TBL1XR1: variants seen among roughly 807,000 people sequenced by gnomAD.
The protein encoded by TBL1XR1 is TBL1X/Y related 1, also known as F-box-like/WD repeat-containing protein TBL1XR1.
TBL1XR1 carries 5 observed loss-of-function variants against 66.9 expected under a neutral mutation model. The ratio of observed to expected loss-of-function variants is 0.07; its 90% CI spans 0.04 to 0.16. The LOEUF (loss-of-function observed/expected upper bound fraction) is 0.16, where lower values mean the gene tolerates loss of function less well. Ranked by LOEUF, TBL1XR1 falls within the 10% of genes least tolerant of loss-of-function variation. TBL1XR1 has a pLI of 1.00. For synonymous variants in TBL1XR1, 210 were observed against 206.0 expected, an observed-to-expected ratio of 1.02 and a Z score of -0.17; for missense variants, 238 against 623.2, an observed-to-expected ratio of 0.38 and a Z score of 6.58.
chr3:177,180,740 A>ATTT (rs201395892), intron 1 of TBL1XR1, among the ~76,000 whole-genome samples: 18 of 145,776 alleles, frequency 1.2e-4, no homozygotes, highest in East Asian at 4.0e-4. Flanking sequence ...TTACCCTGGA[A>ATTT]TTTTTTTTTT....
Position 177,146,589 on chromosome 3 carries a change from C to CAAAAAAAAAAAAAAAAAAAAAA in TBL1XR1, c.-121-48049_-121-48048insTTTTTTTTTTTTTTTTTTTTTT, listed in dbSNP as rs78065426. Among the ~76,000 whole-genome samples the CAAAAAAAAAAAAAAAAAAAAAA allele has an allele frequency of 1.8e-3, 91 of 51,948 alleles. 15 individuals are homozygous for CAAAAAAAAAAAAAAAAAAAAAA. The highest frequency in any genetic ancestry group is 3.9e-3 in the East Asian group (5 of 1,284). The allele number at this position is 51,948 out of a possible 152,430, so 34.1% of individuals were successfully genotyped here. ...TGGGCAGCTGAGCGAGACTCCATCT[C>CAAAAAAAAAAAAAAAAAAAAAA]AAAAAAAAAAAAAAAAAAGTTGTAT... On this transcript the variant is annotated intron_variant, in intron 1 of 15. Coordinates refer to ENST00000457928, the MANE Select transcript of TBL1XR1 (RefSeq NM_024665.7).
At chr3:177,078,320 C>T (rs1489981986) in intron 2 of TBL1XR1, among the ~76,000 whole-genome samples, 1 of 151,964 alleles carries the variant, frequency 6.6e-6, no homozygotes, top group Non-Finnish European at 1.5e-5. Context: ...CGGCTGAGTG[C>T]ATGGTTCACA....
In TBL1XR1 at chr3:177,036,998, T is replaced by C. The variant is rs569991505; in HGVS notation, c.1122+1100A>G. Among the ~76,000 whole-genome samples, 26 of 152,282 alleles carry C rather than the reference T, an allele frequency of 1.7e-4. No homozygotes were observed. In the East Asian group the frequency reaches 4.8e-3, roughly 28 times the overall value. On this transcript the variant is annotated intron_variant, in intron 12 of 15. Coordinates refer to ENST00000457928, the MANE Select transcript of TBL1XR1 (RefSeq NM_024665.7). The stretch of plus-strand genomic sequence containing the variant: ...TGCTTTTTTCCCCAAATGAGGAATC[T>C]GGTGTGCTTAGGTGCGAGACAGCAG...
intron 7 of TBL1XR1, among the ~76,000 whole-genome samples, chr3:177,049,739 CAGAGTAA>C (rs922167519): frequency 2.6e-5 from 4 of 152,050 alleles, no homozygotes; most frequent in African/African-American, 9.7e-5. Context: ...AAATGAAGTA[CAGAGTAA>C]AAAGTAACAA....
chr3:177,082,381 G>A (rs1721505956), intron 2 of TBL1XR1, among the ~76,000 whole-genome samples: 1 of 151,456 alleles, frequency 6.6e-6, no homozygotes, highest in Non-Finnish European at 1.5e-5. Context: ...AAAAATACCA[G>A]AGAGAAAAAT....
chr3:177,037,185 G>A (rs756393425), intron 12 of TBL1XR1, among the ~76,000 whole-genome samples: 57 of 152,162 alleles, frequency 3.7e-4, no homozygotes, highest in Non-Finnish European at 5.7e-4. Context: ...TTAATACAAC[G>A]CAAAGAATTC....
At chr3:177,139,421 G>A (rs1344409568) in intron 1 of TBL1XR1, among the ~76,000 whole-genome samples, 1 of 152,092 alleles carries the variant, frequency 6.6e-6, no homozygotes, top group Non-Finnish European at 1.5e-5. Context: ...TGTAGCTGCA[G>A]CTACTTGGGC....
chr3:177,106,979 T>C (rs772421750), intron 1 of TBL1XR1, among the ~76,000 whole-genome samples: 3 of 152,210 alleles, frequency 2.0e-5, no homozygotes, highest in Admixed American at 6.5e-5. Flanking sequence ...ATGCCCACAG[T>C]AGTCATCCTG....
intron 2 of TBL1XR1, among the ~76,000 whole-genome samples, chr3:177,094,983 T>TA (rs1183969420): frequency 6.1e-5 from 9 of 148,374 alleles, no homozygotes; most frequent in Admixed American, 2.7e-4. Flanking sequence ...AAAAAAAGAA[T>TA]AAAAAAATAA....
At chr3:177,057,251 C>T (rs1289428056) in intron 3 of TBL1XR1, among the ~76,000 whole-genome samples, 1 of 152,140 alleles carries the variant, frequency 6.6e-6, no homozygotes, top group East Asian at 1.9e-4. Context: ...AGGTGAAATC[C>T]TCTTTCACTA....
intron 1 of TBL1XR1, among the ~76,000 whole-genome samples, chr3:177,154,806 C>T (rs943057242): frequency 6.6e-6 from 1 of 152,136 alleles, no homozygotes; most frequent in African/African-American, 2.4e-5. Flanking sequence ...ACTTGACAAA[C>T]TGGACTCGTA....
intron 1 of TBL1XR1, among the ~76,000 whole-genome samples, chr3:177,108,981 C>G (rs894773827): frequency 1.3e-5 from 2 of 152,102 alleles, no homozygotes; most frequent in African/African-American, 2.4e-5. Context: ...TGCATTTTAG[C>G]TTTTTGATGG....
intron 10 of TBL1XR1, among the ~76,000 whole-genome samples, chr3:177,040,348 ATAC>A (rs1255228973): frequency 6.6e-6 from 1 of 152,182 alleles, no homozygotes; most frequent in African/African-American, 2.4e-5. Context: ...TTAGCTATGT[ATAC>A]TAATTAGTAG....
intron 1 of TBL1XR1, chr3:177,163,979 T>G (rs1459090196): frequency 6.6e-6 from 1 of 152,220 alleles, no homozygotes; most frequent in Non-Finnish European, 1.5e-5. Flanking sequence ...TTTACTCACC[T>G]CAAATATATT....
chr3:177,170,069 C>T (rs1260817563), intron 1 of TBL1XR1, among the ~76,000 whole-genome samples: 1 of 152,152 alleles, frequency 6.6e-6, no homozygotes, highest in African/African-American at 2.4e-5. Context: ...TTCCACTGTT[C>T]CACTGTTCCT....
chr3:177,119,353 GA>G (rs1726707291), intron 1 of TBL1XR1, among the ~76,000 whole-genome samples: 1 of 152,106 alleles, frequency 6.6e-6, no homozygotes, highest in Non-Finnish European at 1.5e-5. Flanking sequence ...TTTGATCCTG[GA>G]ACCTTTTCCA....
chr3:177,050,639 C>G (rs1255745360), intron 5 of TBL1XR1, 29 bp from the exon 6 acceptor site: 8 of 1,612,650 alleles, frequency 5.0e-6, no homozygotes, highest in Non-Finnish European at 6.8e-6. Context: ...GTAAGCATTT[C>G]CAGTTAGGCA....
At chr3:177,044,090 T>C (rs1285842773) in intron 10 of TBL1XR1, among the ~76,000 whole-genome samples, 2 of 152,200 alleles carry the variant, frequency 1.3e-5, no homozygotes, top group African/African-American at 4.8e-5. Context: ...ATAGATTCTA[T>C]GCTGCCTCCA....
intron 1 of TBL1XR1, among the ~76,000 whole-genome samples, chr3:177,114,061 A>G (rs566233079): frequency 1.3e-5 from 2 of 152,306 alleles, no homozygotes; most frequent in African/African-American, 4.8e-5. Flanking sequence ...CAAGAGATCA[A>G]TTATACAGCA....
Sources: allele counts gnomAD v4.1 joint callset (sites outside exome capture counted in the v4.1 genomes callset), GRCh38; gene constraint gnomAD v4.1.1; transcripts MANE v1.5; gene names NCBI Gene and HGNC (gene_info 2026-07-23, HGNC 2026-07-21).